SLC16A3: variants seen among roughly 807,000 people sequenced by gnomAD.
SLC16A3 encodes the protein monocarboxylate transporter 4.
A neutral mutation model predicts 25.0 loss-of-function variants in SLC16A3; 22 were observed. The observed-to-expected ratio is 0.88, with a 90% confidence interval of 0.63 to 1.26. The LOEUF is 1.26. Among genes scored for constraint, SLC16A3 ranks in the 50% most tolerant of loss-of-function variants. The pLI, the probability that SLC16A3 is intolerant of heterozygous loss-of-function variation, is 0.00. For missense variants in SLC16A3, 731 were observed against 666.6 expected (o/e 1.10, Z -1.06); for synonymous variants, 390 against 309.2 (o/e 1.26, Z -2.74).
intron 1 of SLC16A3, among the ~76,000 whole-genome samples, chr17:82,220,032 G>T (rs143107094): frequency 3.2e-4 from 48 of 152,250 alleles, no homozygotes; most frequent in African/African-American, 1.0e-3. Flanking sequence ...CAGCAGGTTG[G>T]GGGGGCTCTC....
At position 82,237,778 on chromosome 17, in the gene SLC16A3, G is replaced by A. The variant is rs774341499; in HGVS notation, c.1008G>A (p.Gly336=). Residue 336 remains glycine (G), a synonymous_variant, in exon 4 of 5, where the codon GGG becomes GGA. Coordinates refer to ENST00000582743, the MANE Select transcript of SLC16A3 (RefSeq NM_004207.4). ...TTGGCATCTCCTACGGCATGGTGGG[G>A]GCCCTGCAGTTCGAGGTGCTCATGG... ...IFFGISYGMV[G]ALQFEVLMAI... is the part of the protein sequence containing the mutation. 1.1e-5 allele frequency: 17 copies of A among 1,611,740 alleles called. No homozygotes were observed. Among genetic ancestry groups the A allele is most frequent in the African/African-American group, 1.3e-5 (1 of 74,930 alleles).
At chr17:82,223,881 C>A (rs548746776), upstream of SLC16A3, among the ~76,000 whole-genome samples, 1 of 151,932 alleles carries the variant, frequency 6.6e-6, no homozygotes, top group African/African-American at 2.4e-5. Context: ...AGTGACAGAG[C>A]GAGAGGTCAC....
At chr17:82,238,518 G>A (rs1421211257) in intron 4 of SLC16A3, among the ~76,000 whole-genome samples, 184 bp from the exon 5 acceptor site, 2 of 152,210 alleles carry the variant, frequency 1.3e-5, no homozygotes, top group Non-Finnish European at 2.9e-5. Flanking sequence ...GTTCCCCTGA[G>A]GAGGAGGGAG....
At chr17:82,238,603 C>T in intron 4 of SLC16A3, 99 bp from the exon 5 acceptor site, 2 of 1,258,338 alleles carry the variant, frequency 1.6e-6, no homozygotes, top group Middle Eastern at 2.8e-4. Context: ...GACAGGGTGA[C>T]CCTTGCGTGC....
upstream of SLC16A3, among the ~76,000 whole-genome samples, chr17:82,226,242 G>C (rs2050420943): frequency 1.3e-5 from 2 of 152,226 alleles, no homozygotes; most frequent in South Asian, 2.1e-4. Flanking sequence ...TGGGGTCAGA[G>C]GGGGGCGTCC....
chr17:82,237,984 C>T (rs1016598277), intron 4 of SLC16A3, 91 bp downstream of exon 4: 3 of 1,426,474 alleles, frequency 2.1e-6, no homozygotes, highest in African/African-American at 2.8e-5. Context: ...CCCTCGGCAG[C>T]CACCCGCAGT....
Position 82,238,750 on chromosome 17 carries a change from C to T in SLC16A3, c.1172C>T (p.Ala391Val), listed in dbSNP as rs776431825. Residue 391 changes from alanine (A) to valine (V), a missense_variant, in exon 5 of 5, where the codon GCG (alanine) becomes GTG (valine). Transcript: ENST00000582743. ...GTCTACATGTACGTGTTCATCCTGG[C>T]GGGGGCCGAGGTGCTCACCTCCTCC... is the stretch of plus-strand genomic sequence containing the variant. ...THVYMYVFIL[A>V]GAEVLTSSLI... 427 of 1,612,302 alleles carry T rather than the reference C, an allele frequency of 2.6e-4. No homozygotes were observed. Among genetic ancestry groups the T allele is most frequent in the Non-Finnish European group, 3.4e-4 (402 of 1,179,854 alleles).
chr17:82,236,310 C>T, intron 2 of SLC16A3, 79 bp downstream of exon 2: 1 of 1,321,540 alleles, frequency 7.6e-7, no homozygotes, highest in Middle Eastern at 1.9e-4. Context: ...CTGGGCTCAG[C>T]AACAGGGCCT....
chr17:82,238,089 G>C (rs1042595769), intron 4 of SLC16A3, among the ~76,000 whole-genome samples, 196 bp downstream of exon 4: 2 of 152,204 alleles, frequency 1.3e-5, no homozygotes, highest in African/African-American at 2.4e-5. Flanking sequence ...TGCTCCGTCC[G>C]GCACAGTGTG....
chr17:82,221,469 AGGCGGGGAAGACTCGT>A (rs1167158710), intron 1 of SLC16A3, among the ~76,000 whole-genome samples: 6 of 152,040 alleles, frequency 3.9e-5, no homozygotes, highest in Admixed American at 6.6e-5. Flanking sequence ...TGGGAGGCTG[AGGCGGGGAAGACTCGT>A]GTGAACCCGG....
At position 82,236,116 on chromosome 17, in the gene SLC16A3, C is replaced by T. The variant is rs368796878; in HGVS notation, c.108C>T (p.Tyr36=). The T allele has an allele frequency of 3.2e-5, 52 of 1,613,072 alleles. 1 individual carries two copies. The highest frequency in any genetic ancestry group is 2.3e-4 in the African/African-American group (17 of 74,950). The change falls in exon 2 of 5, where the codon TAC becomes TAT. Residue 36 remains tyrosine (Y), a synonymous_variant. Coordinates refer to ENST00000582743, the MANE Select transcript of SLC16A3 (RefSeq NM_004207.4). ...FGCFVITGFS[Y]AFPKAVSVFF... ...GTTTCGTCATCACTGGCTTCTCCTA[C>T]GCCTTCCCCAAGGCCGTCAGTGTCT...
intron 1 of SLC16A3, among the ~76,000 whole-genome samples, chr17:82,219,374 C>T (rs1481852049): frequency 2.0e-5 from 3 of 152,084 alleles, no homozygotes; most frequent in African/African-American, 7.2e-5. Context: ...AGGAGCTAGT[C>T]TGTGCGGTGA....
chr17:82,220,114 A>C (rs942415751), intron 1 of SLC16A3, among the ~76,000 whole-genome samples: 1 of 152,164 alleles, frequency 6.6e-6, no homozygotes, highest in Non-Finnish European at 1.5e-5. Flanking sequence ...CCATCCAGCC[A>C]CCTGCCACCC....
chr17:82,238,318 G>C (rs1425259123), intron 4 of SLC16A3, among the ~76,000 whole-genome samples: 1 of 152,196 alleles, frequency 6.6e-6, no homozygotes, highest in Non-Finnish European at 1.5e-5. Context: ...GGGGGTCCTG[G>C]GCTTGGGGAG....
upstream of SLC16A3, among the ~76,000 whole-genome samples, chr17:82,225,559 G>A (rs969192170): frequency 6.6e-6 from 1 of 152,358 alleles, no homozygotes; most frequent in East Asian, 1.9e-4. Flanking sequence ...GGCAGGCAGG[G>A]TCAGGAGCTG....
chr17:82,231,770 G>T (rs1048273122), intron 1 of SLC16A3: 1 of 152,256 alleles, frequency 6.6e-6, no homozygotes, highest in Non-Finnish European at 1.5e-5. Flanking sequence ...TGGCCAATCC[G>T]CAAATGAGGC....
rs764365349 is a variant in SLC16A3 at position 82,238,659 on chromosome 17, G to A, written c.1124-43G>A. ...TTGGGTGGAGCCGTGGGCCCTGGGGGCAGCCCGCATGAGCGGCTGGGACTG... is the reference window on the plus strand; with the variant it reads ...TTGGGTGGAGCCGTGGGCCCTGGGGACAGCCCGCATGAGCGGCTGGGACTG... On this transcript the variant is annotated intron_variant, in intron 4 of 4. Coordinates refer to ENST00000582743, the MANE Select transcript of SLC16A3 (RefSeq NM_004207.4). 4.2e-5 allele frequency: 66 copies of A among 1,568,922 alleles called. 1 individual carries two copies. In the South Asian group the frequency reaches 7.3e-4, roughly 17 times the overall value.
In SLC16A3 at chr17:82,238,971, GTC is replaced by G. The variant is rs1280126168; in HGVS notation, c.1395_1396del (p.Ter466SerfsTer173). 1 of 1,524,336 alleles carries G rather than the reference GTC, an allele frequency of 6.6e-7. No homozygotes were observed. The highest frequency in any genetic ancestry group is 8.8e-7 in the Non-Finnish European group (1 of 1,131,878). 94.4% of individuals were successfully genotyped at this position (1,524,336 alleles called of 1,614,324 possible). ...GGTGGTTCACACCCCGGAAACAAGTGTCTGAGTGGCTGGGCGGGGCCGGCAGG... is the reference window on the plus strand; with the variant it reads ...GGTGGTTCACACCCCGGAAACAAGTGTGAGTGGCTGGGCGGGGCCGGCAGG... The part of the protein sequence containing the change: ...GEVVHTPETS[V>X] On this transcript the variant is annotated frameshift_variant, in exon 5 of 5. Coordinates refer to ENST00000582743, the MANE Select transcript of SLC16A3 (RefSeq NM_004207.4). LOFTEE classifies it high-confidence loss of function.
upstream of SLC16A3, among the ~76,000 whole-genome samples, chr17:82,227,599 C>T (rs1326549073): frequency 7.1e-5 from 8 of 111,950 alleles, no homozygotes; most frequent in Non-Finnish European, 9.9e-5. Context: ...GGCGGGAGCA[C>T]CACCTGCCCT....
Sources: allele counts gnomAD v4.1 joint callset (sites outside exome capture counted in the v4.1 genomes callset), GRCh38; gene constraint gnomAD v4.1.1; transcripts MANE v1.5; gene names NCBI Gene and HGNC (gene_info 2026-07-23, HGNC 2026-07-21).